The following RBFOX1 variants were observed in gnomAD, a reference collection of about 807,000 sequenced individuals.
RBFOX1 encodes the protein RNA binding fox-1 homolog 1.
A neutral mutation model predicts 57.7 loss-of-function variants in RBFOX1; 8 were observed. The ratio of observed to expected loss-of-function variants is 0.14; its 90% CI spans 0.08 to 0.25. The LOEUF is 0.25. Ranked by LOEUF, RBFOX1 falls within the 10% of genes least tolerant of loss-of-function variation. The pLI is 1.00. For synonymous variants in RBFOX1, 326 were observed against 222.4 expected (o/e 1.47, Z -4.15); for missense variants, 611 against 548.5 (o/e 1.11, Z -1.14).
chr16:7,283,848 T>G (rs1399741882), intron 4 of RBFOX1, among the ~76,000 whole-genome samples: 1 of 152,184 alleles, frequency 6.6e-6, no homozygotes, highest in Non-Finnish European at 1.5e-5. Flanking sequence ...TCTTCAAGTT[T>G]CAATAAGTGC....
intron 13 of RBFOX1, among the ~76,000 whole-genome samples, chr16:7,671,776 C>A (rs2286541): frequency 0.42 from 63,441 of 151,928 alleles, 13,934 homozygotes; most frequent in Admixed American, 0.49. Flanking sequence ...GGTGGCTATC[C>A]CTGTATCTAT....
At chr16:6,836,911 G>C (rs2093140523) in intron 3 of RBFOX1, among the ~76,000 whole-genome samples, 1 of 152,100 alleles carries the variant, frequency 6.6e-6, no homozygotes, top group African/African-American at 2.4e-5. Context: ...GCGTTGCCAA[G>C]CAAAGAGTGT....
At chr16:5,679,697 A>AC (rs2050271557) in intron 3 of RBFOX1, among the ~76,000 whole-genome samples, 1 of 152,150 alleles carries the variant, frequency 6.6e-6, no homozygotes, top group Non-Finnish European at 1.5e-5. Context: ...CTGGTAATGA[A>AC]CTTTTTAGTA....
chr16:7,394,556 C>T (rs2098110191), intron 4 of RBFOX1, among the ~76,000 whole-genome samples: 1 of 152,154 alleles, frequency 6.6e-6, no homozygotes, highest in Non-Finnish European at 1.5e-5. Context: ...TCTTGCGTTT[C>T]CATTTATCCA....
At chr16:6,288,909 C>G (rs1399557392) in intron 1 of RBFOX1, among the ~76,000 whole-genome samples, 1 of 152,068 alleles carries the variant, frequency 6.6e-6, no homozygotes, top group South Asian at 2.1e-4. Flanking sequence ...CATTAGTTCT[C>G]AAGGCAATGC....
intron 4 of RBFOX1, among the ~76,000 whole-genome samples, chr16:7,243,351 A>G (rs1009038909): frequency 1.3e-5 from 2 of 152,120 alleles, no homozygotes; most frequent in African/African-American, 2.4e-5. Flanking sequence ...TAGTTCTTTT[A>G]TGTATGAGAT....
chr16:5,816,044 T>C (rs1331074163), intron 3 of RBFOX1, among the ~76,000 whole-genome samples: 1 of 152,224 alleles, frequency 6.6e-6, no homozygotes, highest in Non-Finnish European at 1.5e-5. Context: ...ACAGCAGCTC[T>C]GGCTAGGGCT....
At position 6,645,726 on chromosome 16, in the gene RBFOX1, C is replaced by T. The variant is rs151194219; in HGVS notation, c.-63-8877C>T. On this transcript the variant is annotated intron_variant, in intron 2 of 15. Transcript: ENST00000550418. ...CAATCAGAACCAGGTTTCACAAAGC[C>T]TGTTGGAAGATGTCATCAAGGACAG... Among the ~76,000 whole-genome samples the T allele has an allele frequency of 7.1e-3, 1,080 of 152,182 alleles. 10 individuals carry two copies. Among genetic ancestry groups the T allele is most frequent in the Non-Finnish European group, 0.012 (822 of 67,994 alleles).
intron 4 of RBFOX1, among the ~76,000 whole-genome samples, chr16:7,407,661 T>G (rs978972571): frequency 6.6e-6 from 1 of 152,178 alleles, no homozygotes; most frequent in African/African-American, 2.4e-5. Context: ...GCAGCATACC[T>G]ATTATCTTAA....
chr16:6,953,717 C>T (rs888633158), intron 3 of RBFOX1, among the ~76,000 whole-genome samples: 1 of 152,156 alleles, frequency 6.6e-6, no homozygotes, highest in Non-Finnish European at 1.5e-5. Context: ...CACATACATA[C>T]ATATAAATAT....
intron 1 of RBFOX1, among the ~76,000 whole-genome samples, chr16:6,193,133 C>T (rs1486620528): frequency 6.6e-6 from 1 of 151,642 alleles, no homozygotes; most frequent in Non-Finnish European, 1.5e-5. Context: ...GCAAATGAAT[C>T]GTGTTGGTGA....
intron 3 of RBFOX1, among the ~76,000 whole-genome samples, chr16:6,880,772 G>A (rs1029760565): frequency 2.0e-5 from 3 of 151,642 alleles, no homozygotes; most frequent in Admixed American, 6.6e-5. Flanking sequence ...TAAAATTATT[G>A]TTATATTTTT....
chr16:7,007,124 G>A (rs1431170545), intron 3 of RBFOX1, among the ~76,000 whole-genome samples: 1 of 152,162 alleles, frequency 6.6e-6, no homozygotes, highest in Non-Finnish European at 1.5e-5. Context: ...AGGAGGCTCT[G>A]GGAAGAGTCC....
chr16:6,425,599 C>G (rs2093902663), intron 2 of RBFOX1, among the ~76,000 whole-genome samples: 1 of 151,420 alleles, frequency 6.6e-6, no homozygotes, highest in African/African-American at 2.5e-5. Context: ...TGTGGTTTAT[C>G]ACTATTTTTT....
chr16:6,228,366 G>C (rs755663256), intron 1 of RBFOX1, among the ~76,000 whole-genome samples: 14 of 151,602 alleles, frequency 9.2e-5, no homozygotes, highest in Non-Finnish European at 2.1e-4. Flanking sequence ...GCCAGGATAT[G>C]GAAACAACCT....
intron 4 of RBFOX1, among the ~76,000 whole-genome samples, chr16:7,498,931 T>A (rs1304918961): frequency 6.6e-6 from 1 of 152,188 alleles, no homozygotes; most frequent in African/African-American, 2.4e-5. Context: ...GAGGATAAGG[T>A]GTCACAACAT....
At chr16:5,492,167 G>A (rs2042856448) in intron 2 of RBFOX1, among the ~76,000 whole-genome samples, 1 of 152,208 alleles carries the variant, frequency 6.6e-6, no homozygotes, top group Non-Finnish European at 1.5e-5. Flanking sequence ...GCTGGTGCAT[G>A]CTCAAAGTAT....
intron 4 of RBFOX1, among the ~76,000 whole-genome samples, chr16:7,184,032 G>A (rs2083243838): frequency 6.6e-6 from 1 of 152,224 alleles, no homozygotes; most frequent in East Asian, 1.9e-4. Flanking sequence ...GATGGCTGGA[G>A]GTGGCCTAAA....
chr16:6,824,736 T>C (rs1268613152), intron 3 of RBFOX1, among the ~76,000 whole-genome samples: 6 of 152,052 alleles, frequency 3.9e-5, no homozygotes. Flanking sequence ...TTTGAAAAAG[T>C]CCAAAAGCTT....
Sources: allele counts gnomAD v4.1 joint callset (sites outside exome capture counted in the v4.1 genomes callset), GRCh38; gene constraint gnomAD v4.1.1; transcripts MANE v1.5; gene names NCBI Gene and HGNC (gene_info 2026-07-23, HGNC 2026-07-21).